The following PLCB1 variants were observed in gnomAD, a reference collection of about 807,000 sequenced individuals.
PLCB1 encodes the protein 1-phosphatidylinositol 4,5-bisphosphate phosphodiesterase beta-1.
PLCB1 carries 46 observed loss-of-function variants against 161.8 expected under a neutral mutation model. That is an observed-to-expected ratio of 0.28 (90% CI 0.22 to 0.36). The LOEUF is 0.36. Among genes scored for constraint, PLCB1 ranks in the 10% least tolerant of loss-of-function variants. The pLI, the probability that PLCB1 is intolerant of heterozygous loss-of-function variation, is 1.00. For synonymous variants in PLCB1, 517 were observed against 503.7 expected (o/e 1.03, Z -0.35); for missense variants, 1,016 against 1,472.5 (o/e 0.69, Z 5.07).
At chr20:8,644,336 A>C (rs1272668864) in intron 4 of PLCB1, among the ~76,000 whole-genome samples, 3 of 133,446 alleles carry the variant, frequency 2.2e-5, no homozygotes, top group Admixed American at 7.4e-5. Flanking sequence ...CCGCCATCCC[A>C]TCTAGGAAGT....
At chr20:8,649,567 T>C in intron 7 of PLCB1, 118 bp downstream of exon 7, 2 of 717,294 alleles carry the variant, frequency 2.8e-6, no homozygotes, top group Non-Finnish European at 5.1e-6. Flanking sequence ...AATTAAGAGC[T>C]TCCATGATTA....
intron 19 of PLCB1, among the ~76,000 whole-genome samples, chr20:8,734,135 C>A (rs868541858): frequency 5.4e-4 from 31 of 57,926 alleles, no homozygotes; most frequent in South Asian, 2.6e-3. Flanking sequence ...GACTCTGTCT[C>A]AAAAAAAAAA....
At chr20:8,163,289 C>A (rs1216731626) in intron 2 of PLCB1, among the ~76,000 whole-genome samples, 2 of 152,174 alleles carry the variant, frequency 1.3e-5, no homozygotes, top group Non-Finnish European at 2.9e-5. Flanking sequence ...CCCACCAGTT[C>A]CTAATAATCA....
chr20:8,584,863 G>A (rs1053819812), intron 3 of PLCB1, among the ~76,000 whole-genome samples: 1 of 151,936 alleles, frequency 6.6e-6, no homozygotes, highest in Admixed American at 6.6e-5. Context: ...ACTAATTTTT[G>A]TATTTTTAAT....
At chr20:8,634,878 C>T (rs1313769254) in intron 4 of PLCB1, among the ~76,000 whole-genome samples, 1 of 152,194 alleles carries the variant, frequency 6.6e-6, no homozygotes, top group Non-Finnish European at 1.5e-5. Context: ...CAGCTCCTAA[C>T]TACTTGTGAT....
intron 3 of PLCB1, among the ~76,000 whole-genome samples, chr20:8,550,737 A>G (rs545237491): frequency 2.6e-5 from 4 of 152,276 alleles, no homozygotes; most frequent in East Asian, 1.9e-4. Context: ...AGCTTTTTCT[A>G]TGGTGTCTTG....
At chr20:8,524,687 T>G (rs1984510470) in intron 3 of PLCB1, among the ~76,000 whole-genome samples, 1 of 152,208 alleles carries the variant, frequency 6.6e-6, no homozygotes, top group Non-Finnish European at 1.5e-5. Context: ...CCTTAAATGA[T>G]GCAAGACCTT....
chr20:8,257,343 G>C (rs958834257), intron 2 of PLCB1, among the ~76,000 whole-genome samples: 2 of 151,906 alleles, frequency 1.3e-5, no homozygotes, highest in African/African-American at 4.8e-5. Context: ...AAATGAAAAA[G>C]AAAATTAGAA....
At chr20:8,732,462 G>T (rs531870527) in intron 18 of PLCB1, among the ~76,000 whole-genome samples, 1 of 150,650 alleles carries the variant, frequency 6.6e-6, no homozygotes, top group South Asian at 2.1e-4. Context: ...ACATTATAAG[G>T]GTGAAAAATT....
In PLCB1 at chr20:8,202,480, T is replaced by C. The variant is rs139215993; in HGVS notation, c.177+52109T>C. Among the ~76,000 whole-genome samples the C allele has an allele frequency of 1.9e-3, 283 of 152,386 alleles. 1 individual carries two copies. Among genetic ancestry groups the C allele is most frequent in the African/African-American group, 6.5e-3 (272 of 41,596 alleles). ...CAGCTATTTTATGTGTACACACATATGTGGGCACTTTCTACTTAGTCTGTT... is the reference window on the plus strand; with the variant it reads ...CAGCTATTTTATGTGTACACACATACGTGGGCACTTTCTACTTAGTCTGTT... On this transcript the variant is annotated intron_variant, in intron 2 of 31. Transcript: ENST00000338037.
intron 3 of PLCB1, among the ~76,000 whole-genome samples, chr20:8,581,726 G>A (rs1055335562): frequency 6.6e-6 from 1 of 152,122 alleles, no homozygotes; most frequent in Non-Finnish European, 1.5e-5. Context: ...AACCAGGATG[G>A]TTGGTCATCC....
intron 3 of PLCB1, among the ~76,000 whole-genome samples, chr20:8,448,280 T>C (rs775000148): frequency 6.6e-6 from 1 of 152,224 alleles, no homozygotes; most frequent in Non-Finnish European, 1.5e-5. Context: ...CTCACTCTAA[T>C]TGAGCAGGCT....
At chr20:8,292,073 A>G (rs896041772) in intron 2 of PLCB1, among the ~76,000 whole-genome samples, 5 of 152,188 alleles carry the variant, frequency 3.3e-5, no homozygotes, top group African/African-American at 1.2e-4. Context: ...AAATGCTTTC[A>G]AATACCTCAA....
intron 2 of PLCB1, among the ~76,000 whole-genome samples, chr20:8,215,354 A>C (rs1979061491): frequency 6.6e-6 from 1 of 152,082 alleles, no homozygotes; most frequent in African/African-American, 2.4e-5. Flanking sequence ...GATTCTTGGA[A>C]GGCTTTGAAG....
chr20:8,296,655 G>A (rs1221776889), intron 2 of PLCB1, among the ~76,000 whole-genome samples: 1 of 151,840 alleles, frequency 6.6e-6, no homozygotes, highest in African/African-American at 2.4e-5. Context: ...CTCCTTGTTT[G>A]GCATTCCTTC....
At chr20:8,788,407 T>A in intron 27 of PLCB1, 42 bp from the exon 28 acceptor site, 3 of 1,580,962 alleles carry the variant, frequency 1.9e-6, no homozygotes, top group Non-Finnish European at 2.6e-6. Flanking sequence ...AAGCTCTGTT[T>A]GCAATCATTT....
At chr20:8,865,235 C>T (rs1328562001) in intron 31 of PLCB1, among the ~76,000 whole-genome samples, 1 of 152,092 alleles carries the variant, frequency 6.6e-6, no homozygotes. Flanking sequence ...ATAACACTAG[C>T]TCTTTCTTTC....
At chr20:8,287,882 A>C (rs1368772079) in intron 2 of PLCB1, among the ~76,000 whole-genome samples, 1 of 152,158 alleles carries the variant, frequency 6.6e-6, no homozygotes, top group Non-Finnish European at 1.5e-5. Context: ...ACTTAGAGAA[A>C]GATTTTAGAT....
intron 2 of PLCB1, among the ~76,000 whole-genome samples, chr20:8,324,575 G>C (rs148501942): frequency 4.6e-4 from 70 of 152,170 alleles, no homozygotes; most frequent in African/African-American, 1.7e-3. Flanking sequence ...TCTCTGATAC[G>C]GGGACTCCAA....
Sources: gnomAD v4.1 joint callset for allele counts (sites outside exome capture counted in the v4.1 genomes callset) on GRCh38, gnomAD v4.1.1 for gene constraint, MANE v1.5 for transcripts, NCBI Gene and HGNC (gene_info 2026-07-23, HGNC 2026-07-21) for gene names.